KIF1A: variants seen among roughly 807,000 people sequenced by gnomAD.
The protein encoded by KIF1A is kinesin-like protein KIF1A.
In KIF1A, 46 loss-of-function variants were observed where a neutral mutation model predicts 227.3. The observed-to-expected ratio is 0.20, with a 90% CI of 0.16 to 0.26. The LOEUF (loss-of-function observed/expected upper bound fraction) is 0.26. Ranked by LOEUF, KIF1A falls within the 10% of genes least tolerant of loss-of-function variation. KIF1A has a pLI of 1.00. For missense variants in KIF1A, 1,683 were observed against 2,485.9 expected (o/e 0.68, Z 6.87); for synonymous variants, 1,022 against 1,012.8 (o/e 1.01, Z -0.17).
rs1030005316 is a variant in KIF1A at position 240,715,418 on chromosome 2, C to A, written c.*1946G>T. On this transcript the variant is annotated 3_prime_UTR_variant, in exon 49 of 49. Transcript: ENST00000498729. ...CCTCACAGAACCCCCCCATCAGCCC[C>A]TGGGAGAGCCTCCCAGGCAGGGGAT... is the stretch of plus-strand genomic sequence containing the variant. The A allele has an allele frequency of 1.3e-4, 20 of 152,382 alleles. No individual in the cohort carries two copies. The highest frequency in any genetic ancestry group is 4.8e-4 in the African/African-American group (20 of 41,466). 9.4% of individuals were successfully genotyped at this position (152,382 alleles called of 1,614,324 possible).
chr2:240,814,970 C>A (rs904414928), intron 1 of KIF1A, among the ~76,000 whole-genome samples: 16 of 152,308 alleles, frequency 1.1e-4, no homozygotes, highest in African/African-American at 3.6e-4. Context: ...AAACACCAAC[C>A]AAGAACATCT....
chr2:240,762,819 A>G lies in KIF1A; in HGVS notation c.2023-7T>C. 6.3e-7 allele frequency: 1 copy of G among 1,580,342 alleles called. No homozygotes were observed. The highest frequency in any genetic ancestry group is 8.6e-7 in the Non-Finnish European group (1 of 1,158,824). On this transcript the variant is annotated splice_polypyrimidine_tract_variant and splice_region_variant and intron_variant, in intron 22 of 48. Transcript: ENST00000498729. ...CCAGCTTGCTCTCATAGTCCTGCAG[A>G]AAGCAAGGCCTGTGACTCCACTACG...
At chr2:240,753,679 T>C (rs529913922) in intron 27 of KIF1A, among the ~76,000 whole-genome samples, 5 of 152,256 alleles carry the variant, frequency 3.3e-5, no homozygotes, top group Admixed American at 2.6e-4. Flanking sequence ...CACCCCCATC[T>C]CCTCGCCAGG....
chr2:240,807,576 C>G (rs1185033088), intron 1 of KIF1A, among the ~76,000 whole-genome samples: 1 of 152,190 alleles, frequency 6.6e-6, no homozygotes, highest in African/African-American at 2.4e-5. Flanking sequence ...TGTACATGTT[C>G]AGTATAGACA....
Position 240,719,749 on chromosome 2 carries a change from T to C in KIF1A, c.5021+25A>G, listed in dbSNP as rs370290675. 8.6e-4 allele frequency: 1,311 copies of C among 1,526,726 alleles called. 1 individual carries two copies. Among genetic ancestry groups the C allele is most frequent in the Non-Finnish European group, 1.0e-3 (1,184 of 1,135,018 alleles). The allele number at this position is 1,526,726 out of a possible 1,614,324, so 94.6% of individuals were successfully genotyped here. On this transcript the variant is annotated intron_variant, in intron 46 of 48. Coordinates refer to ENST00000498729, the MANE Select transcript of KIF1A (RefSeq NM_001244008.2). ...CCTGTCAGCACAGAGCTGGTGGCGGTGCTTTCCAGGGAGGCCCCACACACC... is the reference window on the plus strand; with the variant it reads ...CCTGTCAGCACAGAGCTGGTGGCGGCGCTTTCCAGGGAGGCCCCACACACC...
chr2:240,789,128 G>C lies in KIF1A; in HGVS notation c.183+108C>G. 3 of 882,774 alleles carry C rather than the reference G, an allele frequency of 3.4e-6. No homozygotes were observed. The highest frequency in any genetic ancestry group is 3.7e-6 in the Non-Finnish European group (2 of 544,336). 54.7% of individuals were successfully genotyped at this position (882,774 alleles called of 1,614,324 possible). The stretch of plus-strand genomic sequence containing the variant: ...TCCAGGGGAGCAGGGTGGGGTCCTC[G>C]CCCCAGTTAGAGAGGAATGAGCGGC... On this transcript the variant is annotated intron_variant, in intron 3 of 48. Transcript: ENST00000498729. The surrounding 1 kb of genome is among the most constrained non-coding windows in gnomAD (Gnocchi z 4.8).
intron 9 of KIF1A, 76 bp from the exon 10 acceptor site, chr2:240,782,683 G>A (rs1303910804): frequency 1.4e-5 from 20 of 1,463,948 alleles, no homozygotes; most frequent in South Asian, 1.2e-5. Context: ...AAGAGCAGGC[G>A]GCCCGGCTGC....
chr2:240,742,874 C>T, intron 34 of KIF1A, 55 bp downstream of exon 34: 2 of 1,487,476 alleles, frequency 1.3e-6, no homozygotes, highest in Non-Finnish European at 9.3e-7. Context: ...CCCACTACAG[C>T]ACCCACAGTG....
At chr2:240,729,608 C>G (rs1477774157) in intron 38 of KIF1A, among the ~76,000 whole-genome samples, 1 of 152,240 alleles carries the variant, frequency 6.6e-6, no homozygotes, top group Non-Finnish European at 1.5e-5. Flanking sequence ...GGAGCCAGGC[C>G]TGGAGCTGTA....
intron 11 of KIF1A, 55 bp from the exon 12 acceptor site, chr2:240,774,316 G>T: frequency 8.3e-7 from 1 of 1,199,460 alleles, no homozygotes; most frequent in Non-Finnish European, 1.2e-6. Flanking sequence ...CCAGGGCTAT[G>T]TCTGCTCCCC....
At chr2:240,820,771 G>GC (rs1250580267), upstream of KIF1A, among the ~76,000 whole-genome samples, 6 of 151,980 alleles carry the variant, frequency 3.9e-5, no homozygotes, top group African/African-American at 1.4e-4. This position sits in a 1 kb window ranked among gnomAD's most constrained non-coding sequence, Gnocchi z 6.2. Flanking sequence ...GGGCCGGGGC[G>GC]CCGGGGGAAG....
chr2:240,820,239 G>T (rs2058638588), upstream of KIF1A: 1 of 149,628 alleles, frequency 6.7e-6, no homozygotes, highest in Non-Finnish European at 1.5e-5. This position sits in a 1 kb window ranked among gnomAD's most constrained non-coding sequence, Gnocchi z 6.2. Flanking sequence ...GCCGCGTGAC[G>T]GGCTGCGCGC....
At chr2:240,764,162 C>T (rs554474975) in intron 20 of KIF1A, among the ~76,000 whole-genome samples, 5 of 152,312 alleles carry the variant, frequency 3.3e-5, no homozygotes, top group Non-Finnish European at 4.4e-5. Flanking sequence ...CCAGGTGGCC[C>T]GTGCCTGCAG....
Position 240,790,258 on chromosome 2 carries a change from G to T in KIF1A, c.107-946C>A, listed in dbSNP as rs1393070838. 1.3e-5 allele frequency among the ~76,000 whole-genome samples: 2 copies of T among 152,158 alleles called. No homozygotes were observed. Among genetic ancestry groups the T allele is most frequent in the East Asian group, 3.9e-4 (2 of 5,160 alleles). ...GAGGCCTGAGGCAGTCCCCTCCCAGGTTCTCACACCCAGGAGGAACACTGG... is the reference window on the plus strand; with the variant it reads ...GAGGCCTGAGGCAGTCCCCTCCCAGTTTCTCACACCCAGGAGGAACACTGG... On this transcript the variant is annotated intron_variant, in intron 2 of 48. Coordinates refer to ENST00000498729, the MANE Select transcript of KIF1A (RefSeq NM_001244008.2). The surrounding 1 kb of genome is among the most constrained non-coding windows in gnomAD (Gnocchi z 5.0).
intron 47 of KIF1A, 26 bp downstream of exon 47, chr2:240,718,980 C>T (rs190864523): frequency 5.7e-4 from 901 of 1,580,400 alleles, no homozygotes; most frequent in Non-Finnish European, 7.1e-4. Context: ...TCCTGGTGCC[C>T]GAGCCTGAGC....
At chr2:240,733,250 TG>T (rs1287629964) in intron 38 of KIF1A, among the ~76,000 whole-genome samples, 1 of 152,082 alleles carries the variant, frequency 6.6e-6, no homozygotes, top group Non-Finnish European at 1.5e-5. Context: ...GAGCCCAAGC[TG>T]ATGGGCTCCC....
rs2049342446 is a variant in KIF1A, at chr2:240,752,531, C to CA, written c.2859-1985dup. On this transcript the variant is annotated intron_variant, in intron 27 of 48. Transcript: ENST00000498729. The surrounding 1 kb of genome is among the most constrained non-coding windows in gnomAD (Gnocchi z 6.4). ...GGAAAAGGGGCTGCTACAAACTGAGCAAAGCTAAGTTGTCCAGGAGTGGGG... is the reference window on the plus strand; with the variant it reads ...GGAAAAGGGGCTGCTACAAACTGAGCAAAAGCTAAGTTGTCCAGGAGTGGGG... Among the ~76,000 whole-genome samples the CA allele has an allele frequency of 6.6e-6, 1 of 152,000 alleles. No individual in the cohort carries two copies. Among genetic ancestry groups the CA allele is most frequent in the Non-Finnish European group, 1.5e-5 (1 of 67,966 alleles).
At chr2:240,777,010 AACTCT>A (rs1381120037) in intron 10 of KIF1A, among the ~76,000 whole-genome samples, 18 of 152,274 alleles carry the variant, frequency 1.2e-4, no homozygotes, top group African/African-American at 3.9e-4. Context: ...AGTAGGGACT[AACTCT>A]ACTCTATTTC....
chr2:240,786,639 C>CAGT (rs2054809977), intron 5 of KIF1A, 126 bp from the exon 6 acceptor site: 1 of 819,734 alleles, frequency 1.2e-6, no homozygotes, highest in Admixed American at 2.5e-5. Flanking sequence ...TGGGGGCCGC[C>CAGT]ATCAGGACCC....
Sources: gnomAD v4.1 joint callset for allele counts (sites outside exome capture counted in the v4.1 genomes callset) on GRCh38, gnomAD v4.1.1 for gene constraint, Gnocchi (gnomAD v3.1) non-coding constraint, MANE v1.5 for transcripts, NCBI Gene and HGNC (gene_info 2026-07-23, HGNC 2026-07-21) for gene names.